The following TBC1D5 variants were observed in gnomAD, a reference collection of about 807,000 sequenced individuals.
The protein encoded by TBC1D5 is TBC1 domain family, member 5.
TBC1D5 carries 75 observed loss-of-function variants against 100.3 expected under a neutral mutation model. That is an observed-to-expected ratio of 0.75 (90% CI 0.62 to 0.91). The LOEUF is 0.91. Among genes scored for constraint, TBC1D5 ranks in the 40% least tolerant of loss-of-function variants. The pLI, the probability that TBC1D5 is intolerant of heterozygous loss-of-function variation, is 0.00. For missense variants in TBC1D5, 910 were observed against 942.4 expected, an observed-to-expected ratio of 0.97 and a Z score of 0.45; for synonymous variants, 323 against 325.6, an observed-to-expected ratio of 0.99 and a Z score of 0.09.
chr3:17,742,019 T>C (rs1230684441), upstream of TBC1D5, among the ~76,000 whole-genome samples: 1 of 151,900 alleles, frequency 6.6e-6, no homozygotes, highest in Non-Finnish European at 1.5e-5. Context: ...GGGGCCCAAA[T>C]GAACATGGAA....
intron 3 of TBC1D5, among the ~76,000 whole-genome samples, chr3:17,447,364 G>A (rs2094823383): frequency 6.6e-6 from 1 of 151,804 alleles, no homozygotes; most frequent in South Asian, 2.1e-4. Flanking sequence ...AGATCCAGTA[G>A]AAACACAGGG....
intron 18 of TBC1D5, among the ~76,000 whole-genome samples, chr3:17,198,924 G>A (rs987743395): frequency 9.2e-5 from 14 of 152,190 alleles, no homozygotes; most frequent in African/African-American, 2.7e-4. Context: ...CTAACGTATG[G>A]TCGGGAATGG....
intron 1 of TBC1D5, among the ~76,000 whole-genome samples, chr3:17,687,220 T>A (rs571819397): frequency 6.6e-6 from 1 of 151,274 alleles, no homozygotes; most frequent in South Asian, 2.1e-4. Flanking sequence ...AAACAGTAAG[T>A]CTACAGTCAT....
chr3:17,525,407 A>G (rs1321595600), intron 2 of TBC1D5, among the ~76,000 whole-genome samples: 1 of 152,226 alleles, frequency 6.6e-6, no homozygotes, highest in Non-Finnish European at 1.5e-5. Context: ...CTGGGATTAC[A>G]GGTGTGAGCC....
chr3:17,583,305 T>C (rs2096711690), intron 2 of TBC1D5, among the ~76,000 whole-genome samples: 1 of 151,854 alleles, frequency 6.6e-6, no homozygotes, highest in African/African-American at 2.4e-5. Flanking sequence ...AAGAAATAAA[T>C]TACTTAAATA....
At chr3:17,659,636 T>C (rs960608085) in intron 1 of TBC1D5, among the ~76,000 whole-genome samples, 13 of 152,140 alleles carry the variant, frequency 8.5e-5, no homozygotes, top group African/African-American at 1.4e-4. Context: ...AGTGGATGAA[T>C]TGACAGGAAA....
At chr3:17,367,575 T>TA (rs2092226392) in intron 13 of TBC1D5, among the ~76,000 whole-genome samples, 2 of 152,066 alleles carry the variant, frequency 1.3e-5, no homozygotes, top group Admixed American at 1.3e-4. Context: ...ATATGTTAAT[T>TA]AGGCTGGGCG....
At chr3:17,555,967 G>A (rs2153460476) in intron 2 of TBC1D5, among the ~76,000 whole-genome samples, 1 of 152,214 alleles carries the variant, frequency 6.6e-6, no homozygotes, top group South Asian at 2.1e-4. Flanking sequence ...TTGATTGGGG[G>A]CTTAGAATTT....
chr3:17,256,815 G>A (rs2077737161), intron 16 of TBC1D5, among the ~76,000 whole-genome samples: 1 of 152,124 alleles, frequency 6.6e-6, no homozygotes, highest in Non-Finnish European at 1.5e-5. Flanking sequence ...GAGTGAATAG[G>A]GGAGGTGAAG....
chr3:17,246,459 G>A (rs1315912916), intron 16 of TBC1D5, among the ~76,000 whole-genome samples: 1 of 152,098 alleles, frequency 6.6e-6, no homozygotes, highest in Non-Finnish European at 1.5e-5. Flanking sequence ...AAAGGAACTA[G>A]AATAGTGAAA....
chr3:17,307,894 C>A, intron 14 of TBC1D5, 98 bp downstream of exon 14: 6 of 1,485,460 alleles, frequency 4.0e-6, no homozygotes, highest in South Asian at 2.6e-5. Flanking sequence ...GAGGTACATG[C>A]AAATCAAATA....
intron 18 of TBC1D5, among the ~76,000 whole-genome samples, chr3:17,198,268 C>A (rs1370167599): frequency 6.6e-6 from 1 of 152,114 alleles, no homozygotes; most frequent in Non-Finnish European, 1.5e-5. Flanking sequence ...CAGCCATGAG[C>A]CCCCTCCAAC....
intron 17 of TBC1D5, among the ~76,000 whole-genome samples, chr3:17,217,744 CT>C (rs2073825059): frequency 6.6e-6 from 1 of 152,024 alleles, no homozygotes; most frequent in Non-Finnish European, 1.5e-5. Context: ...TGTAAGTGCT[CT>C]TCATATGTTC....
rs187043252 is a variant in TBC1D5, at chr3:17,448,717, C to T, written c.98-20198G>A. 2.1e-4 allele frequency among the ~76,000 whole-genome samples: 32 copies of T among 152,262 alleles called. No homozygotes were observed. The East Asian group carries it at 6.0e-3, about 28-fold the overall frequency. ...GGCTTAAAATATTCAGTCAACCATG[C>T]TATAAGCAAATGTACTAACATCCAG... On this transcript the variant is annotated intron_variant, in intron 3 of 21. Transcript: ENST00000253692.
At chr3:17,315,684 T>C (rs1463227267) in intron 13 of TBC1D5, among the ~76,000 whole-genome samples, 1 of 152,178 alleles carries the variant, frequency 6.6e-6, no homozygotes, top group Non-Finnish European at 1.5e-5. Flanking sequence ...CTGGAAACTC[T>C]CAAATCTCAA....
chr3:17,223,900 A>AAAAAAC (rs2074552614), intron 17 of TBC1D5, among the ~76,000 whole-genome samples: 1 of 150,434 alleles, frequency 6.6e-6, no homozygotes, highest in African/African-American at 2.5e-5. Flanking sequence ...TCTGTCTCAA[A>AAAAAAC]AAAACAAAAC....
chr3:17,524,113 G>A (rs748629699), intron 2 of TBC1D5, among the ~76,000 whole-genome samples: 2 of 152,082 alleles, frequency 1.3e-5, no homozygotes, highest in African/African-American at 4.8e-5. Flanking sequence ...AGAGATGAAC[G>A]AAGGAGAAAA....
chr3:17,379,033 A>G lies in TBC1D5; in HGVS notation c.613-2420T>C, dbSNP rs2092823560. On this transcript the variant is annotated intron_variant, in intron 9 of 21. Transcript: ENST00000253692. ...CATTGGTTTGTATACTATTAACAATAACTGTACCATTATAAAGATTCGACC... is the reference window on the plus strand; with the variant it reads ...CATTGGTTTGTATACTATTAACAATGACTGTACCATTATAAAGATTCGACC... 2.0e-5 allele frequency among the ~76,000 whole-genome samples: 3 copies of G among 151,888 alleles called. No homozygotes were observed. The South Asian group carries it at 6.2e-4, about 31-fold the overall frequency.
chr3:17,324,451 G>T (rs566285425), intron 13 of TBC1D5, among the ~76,000 whole-genome samples: 126 of 152,158 alleles, frequency 8.3e-4, no homozygotes, highest in Non-Finnish European at 1.3e-3. Flanking sequence ...AAACCAGCCT[G>T]GCCAACATGG....
Sources: allele counts gnomAD v4.1 joint callset (sites outside exome capture counted in the v4.1 genomes callset), GRCh38; gene constraint gnomAD v4.1.1; transcripts MANE v1.5; gene names NCBI Gene and HGNC (gene_info 2026-07-23, HGNC 2026-07-21).